The following PCDHGA5 variants were observed in gnomAD, a reference collection of about 807,000 sequenced individuals.
PCDHGA5 encodes protocadherin gamma subfamily A, 5, also known as protocadherin gamma-A5.
Under a neutral mutation model 56.7 loss-of-function variants are expected in PCDHGA5, and 36 were observed. The observed-to-expected ratio is 0.64, with a 90% CI of 0.49 to 0.84. The LOEUF is 0.84. Among genes scored for constraint, PCDHGA5 ranks in the 40% least tolerant of loss-of-function variants. The pLI is 0.00. For missense variants in PCDHGA5, 1,305 were observed against 1,201.5 expected, an observed-to-expected ratio of 1.09 and a Z score of -1.27; for synonymous variants, 563 against 520.2, an observed-to-expected ratio of 1.08 and a Z score of -1.12.
At chr5:141,413,449 G>T in intron 1 of PCDHGA5, 2 of 1,614,120 alleles carry the variant, frequency 1.2e-6, no homozygotes, top group South Asian at 2.2e-5. Context: ...GATCACCGCG[G>T]GCAGGATAGA....
chr5:141,400,674 T>A, intron 1 of PCDHGA5: 1 of 917,906 alleles, frequency 1.1e-6, no homozygotes, highest in Non-Finnish European at 1.7e-6. Flanking sequence ...AGAGGAGCAG[T>A]AAATTGTGAG....
chr5:141,371,226 A>G (rs772683388), intron 1 of PCDHGA5: 7 of 1,614,072 alleles, frequency 4.3e-6, no homozygotes, highest in Non-Finnish European at 5.9e-6. Flanking sequence ...TGCCGAAATC[A>G]TCTATGCCTT....
chr5:141,408,316 G>A (rs1407149479), intron 1 of PCDHGA5: 3 of 1,613,750 alleles, frequency 1.9e-6, no homozygotes, highest in African/African-American at 1.3e-5. Context: ...ACTCGATTCC[G>A]GAGGAGCTGG....
intron 1 of PCDHGA5, among the ~76,000 whole-genome samples, chr5:141,433,534 C>T (rs2097618995): frequency 6.6e-6 from 1 of 152,088 alleles, no homozygotes; most frequent in Admixed American, 6.5e-5. Context: ...GTGCCCCGCC[C>T]TTATCAGATA....
chr5:141,397,271 T>C (rs552218945), intron 1 of PCDHGA5, among the ~76,000 whole-genome samples: 1 of 152,312 alleles, frequency 6.6e-6, no homozygotes, highest in East Asian at 1.9e-4. Context: ...AGCTACATCA[T>C]ATGGGCAGTA....
intron 1 of PCDHGA5, among the ~76,000 whole-genome samples, chr5:141,381,832 T>C (rs1244036161): frequency 1.7e-4 from 23 of 135,134 alleles, no homozygotes; most frequent in African/African-American, 6.3e-4. Context: ...TCTTCTTTTT[T>C]TTTTTTTTTT....
chr5:141,414,185 T>C lies in PCDHGA5; in HGVS notation c.2421+47434T>C, dbSNP rs374044785. ...GGAGCATATCTTGCAACTGCAAAAG[T>C]GTTGATTACAGTAGAAGATGTAAAT... On this transcript the variant is annotated intron_variant, in intron 1 of 3. Transcript: ENST00000518069. The C allele has an allele frequency of 1.2e-5, 19 of 1,609,558 alleles. No homozygotes were observed. The highest frequency in any genetic ancestry group is 1.6e-5 in the Non-Finnish European group (19 of 1,177,778).
intron 1 of PCDHGA5, chr5:141,395,037 G>A: frequency 1.9e-6 from 3 of 1,614,134 alleles, no homozygotes; most frequent in Non-Finnish European, 2.5e-6. Flanking sequence ...ACATTTTGTG[G>A]GTGTTGAGGA....
At chr5:141,376,299 A>T (rs1314928354) in intron 1 of PCDHGA5, 2 of 1,614,164 alleles carry the variant, frequency 1.2e-6, no homozygotes, top group Non-Finnish European at 1.7e-6. Flanking sequence ...CCCGGCTCGC[A>T]CTTTGTGGGC....
chr5:141,427,626 C>T, intron 1 of PCDHGA5: 1 of 699,934 alleles, frequency 1.4e-6, no homozygotes, highest in Non-Finnish European at 2.6e-6. Flanking sequence ...CGACAATGCT[C>T]CGGTTTTCCA....
chr5:141,507,754 C>T (rs1488474557), intron 3 of PCDHGA5, among the ~76,000 whole-genome samples: 7 of 152,242 alleles, frequency 4.6e-5, no homozygotes, highest in Admixed American at 2.0e-4. Flanking sequence ...GTCAAGGCCT[C>T]CCACCTTTGG....
intron 1 of PCDHGA5, chr5:141,399,525 C>G: frequency 6.2e-7 from 1 of 1,614,058 alleles, no homozygotes; most frequent in Non-Finnish European, 8.5e-7. Flanking sequence ...CTGGGGCCTC[C>G]ATCGCGCAAG....
At chr5:141,401,813 T>C (rs2094195030) in intron 1 of PCDHGA5, among the ~76,000 whole-genome samples, 1 of 152,208 alleles carries the variant, frequency 6.6e-6, no homozygotes, top group Non-Finnish European at 1.5e-5. Context: ...ATGGGTTCCT[T>C]ACAAAGTGCT....
intron 1 of PCDHGA5, among the ~76,000 whole-genome samples, chr5:141,382,559 C>T (rs1588920623): frequency 1.3e-5 from 2 of 152,238 alleles, no homozygotes; most frequent in East Asian, 1.9e-4. Context: ...ATATCTAGAG[C>T]AAAGAAATCT....
rs141363854 is a variant in PCDHGA5, at chr5:141,371,204, T to C, written c.2421+4453T>C. 1.5e-4 allele frequency: 240 copies of C among 1,614,012 alleles called. 1 individual carries two copies. The African/African-American group carries it at 3.0e-3, about 20-fold the overall frequency. ...TAAAAGTGATGGCCATTGACATGGA[T>C]GAGGGCATCAATGCCGAAATCATCT... On this transcript the variant is annotated intron_variant, in intron 1 of 3. Coordinates refer to ENST00000518069, the MANE Select transcript of PCDHGA5 (RefSeq NM_018918.3).
chr5:141,398,668 A>G, intron 1 of PCDHGA5: 1 of 1,614,026 alleles, frequency 6.2e-7, no homozygotes, highest in Non-Finnish European at 8.5e-7. Context: ...TTTCTCATTA[A>G]TAATTAAGGA....
intron 2 of PCDHGA5, among the ~76,000 whole-genome samples, chr5:141,501,288 T>TAC (rs1562199973): frequency 3.7e-5 from 3 of 81,228 alleles, no homozygotes; most frequent in South Asian, 4.2e-4. Context: ...GATATTCCCT[T>TAC]ATACACACAC....
At chr5:141,403,972 A>G in intron 1 of PCDHGA5, 1 of 1,613,968 alleles carries the variant, frequency 6.2e-7, no homozygotes, top group East Asian at 2.2e-5. Flanking sequence ...TGGAAGATGT[A>G]AATGACAATA....
At chr5:141,413,065 T>A (rs2095601710) in intron 1 of PCDHGA5, 2 of 1,159,986 alleles carry the variant, frequency 1.7e-6, no homozygotes, top group African/African-American at 3.1e-5. Flanking sequence ...CTCCAGAATT[T>A]AAAGTGCCCA....
Sources: gnomAD v4.1 joint callset for allele counts (sites outside exome capture counted in the v4.1 genomes callset) on GRCh38, gnomAD v4.1.1 for gene constraint, MANE v1.5 for transcripts, NCBI Gene and HGNC (gene_info 2026-07-23, HGNC 2026-07-21) for gene names.